The following SLCO3A1 variants were observed in gnomAD, a reference collection of about 807,000 sequenced individuals.
The protein encoded by SLCO3A1 is PGE1 transporter.
SLCO3A1 carries 27 observed loss-of-function variants against 63.1 expected under a neutral mutation model. The observed-to-expected ratio is 0.43, with a 90% CI of 0.32 to 0.59. SLCO3A1 has a LOEUF of 0.59. Among genes scored for constraint, SLCO3A1 ranks in the 20% least tolerant of loss-of-function variants. SLCO3A1 has a pLI of 0.09. For synonymous variants in SLCO3A1, 473 were observed against 409.9 expected (o/e 1.15, Z -1.86); for missense variants, 773 against 945.8 (o/e 0.82, Z 2.40).
Position 92,047,787 on chromosome 15 carries a change from A to C in SLCO3A1, c.647-47094A>C, listed in dbSNP as rs533061216. Among the ~76,000 whole-genome samples, 4 of 150,280 alleles carry C rather than the reference A, an allele frequency of 2.7e-5. No individual in the cohort carries two copies. In the South Asian group the frequency reaches 8.4e-4, roughly 31 times the overall value. On this transcript the variant is annotated intron_variant, in intron 2 of 9. Transcript: ENST00000318445. Reference sequence around the variant, plus strand: ...GTCCAGAATGTGTTCATCGGTTTGTAATCAGCCTAGTTATGGGCTTGAGCC... The same window carrying C: ...GTCCAGAATGTGTTCATCGGTTTGTCATCAGCCTAGTTATGGGCTTGAGCC...
chr15:92,048,068 T>A (rs1412305435), intron 2 of SLCO3A1, among the ~76,000 whole-genome samples: 3 of 152,074 alleles, frequency 2.0e-5, no homozygotes, highest in African/African-American at 7.2e-5. Flanking sequence ...ACTGCCACCT[T>A]GTTAGCTTTT....
downstream of SLCO3A1, among the ~76,000 whole-genome samples, chr15:92,166,157 C>T (rs549909650): frequency 2.0e-5 from 3 of 152,296 alleles, no homozygotes; most frequent in South Asian, 2.1e-4. Context: ...TGTCTTCTCT[C>T]AGCTGAGGCT....
At chr15:91,927,709 G>A (rs956229516) in intron 2 of SLCO3A1, among the ~76,000 whole-genome samples, 5 of 152,066 alleles carry the variant, frequency 3.3e-5, no homozygotes, top group African/African-American at 1.2e-4. Flanking sequence ...TTCCCTTTCT[G>A]GGCAAGATGC....
intron 7 of SLCO3A1, among the ~76,000 whole-genome samples, chr15:92,134,402 G>C (rs1022845793): frequency 6.6e-6 from 1 of 152,100 alleles, no homozygotes; most frequent in South Asian, 2.1e-4. Flanking sequence ...GTGTAGAGAT[G>C]AATAAGGAAA....
chr15:91,889,988 C>T (rs1410431098), intron 1 of SLCO3A1, among the ~76,000 whole-genome samples: 1 of 152,174 alleles, frequency 6.6e-6, no homozygotes, highest in Non-Finnish European at 1.5e-5. Context: ...AATTTGTTTA[C>T]ATGTCCAATA....
Position 92,163,001 on chromosome 15 carries a change from G to C in SLCO3A1, c.1999G>C (p.Glu667Gln), listed in dbSNP as rs1301736744. The C allele has an allele frequency of 9.9e-6, 16 of 1,612,906 alleles. No individual in the cohort carries two copies. Among genetic ancestry groups the C allele is most frequent in the Non-Finnish European group, 1.4e-5 (16 of 1,179,370 alleles). The change falls in exon 10 of 10, where the codon GAG becomes CAG. Residue 667 changes from glutamate to glutamine, a missense_variant. Glu to Gln is a conservative substitution (Grantham distance 29). Coordinates refer to ENST00000318445, the MANE Select transcript of SLCO3A1 (RefSeq NM_013272.4). ...CCACGAGGGCGGGCTGAGCACCAGT[G>C]AGTTCTTTGCCTCTACTCTGACCCT... ...KNHEGGLSTS[E>Q]FFASTLTLDN...
intron 1 of SLCO3A1, among the ~76,000 whole-genome samples, chr15:91,906,126 G>C (rs1898300299): frequency 6.6e-6 from 1 of 152,196 alleles, no homozygotes. Flanking sequence ...AATCATAGTG[G>C]AGAGTAAGTG....
intron 2 of SLCO3A1, among the ~76,000 whole-genome samples, chr15:92,079,195 G>T (rs2047313627): frequency 6.6e-6 from 1 of 152,096 alleles, no homozygotes; most frequent in African/African-American, 2.4e-5. Flanking sequence ...CATTCACGTT[G>T]GATGGCCCAC....
intron 2 of SLCO3A1, among the ~76,000 whole-genome samples, chr15:92,036,361 T>TTC (rs1555426399): frequency 5.6e-5 from 3 of 53,818 alleles, no homozygotes; most frequent in African/African-American, 1.7e-4. Context: ...GAGGTTTTCT[T>TTC]TTTTTTTTTT....
chr15:91,855,268 A>G (rs1482901182), intron 1 of SLCO3A1, among the ~76,000 whole-genome samples: 2 of 152,152 alleles, frequency 1.3e-5, no homozygotes, highest in African/African-American at 4.8e-5. Flanking sequence ...GGGGCTGTAT[A>G]CCATTCATAA....
Position 92,164,333 on chromosome 15 carries a change from AAG to A in SLCO3A1, c.*1203_*1204del, listed in dbSNP as rs1301021256. The A allele has an allele frequency of 7.7e-5, 76 of 985,240 alleles. No homozygotes were observed. The highest frequency in any genetic ancestry group is 1.1e-4 in the East Asian group (1 of 8,824). The allele number at this position is 985,240 out of a possible 1,614,324, so 61.0% of individuals were successfully genotyped here. A position where few individuals can be genotyped will look rare whatever the true frequency, so the allele number is the denominator to read the frequency against. On this transcript the variant is annotated 3_prime_UTR_variant, in exon 10 of 10. Transcript: ENST00000318445. ...CAAGAAGAAAAAAAAATGCTTCAAA[AAG>A]AGAGTGTATATGCAGCCTGCCTTTA...
intron 2 of SLCO3A1, among the ~76,000 whole-genome samples, chr15:92,000,974 CA>C (rs2046247524): frequency 6.6e-6 from 1 of 152,082 alleles, no homozygotes; most frequent in Admixed American, 6.5e-5. Flanking sequence ...TCATCGAGAG[CA>C]AGGCTGATCA....
intron 1 of SLCO3A1, among the ~76,000 whole-genome samples, chr15:91,873,169 T>G (rs1460769515): frequency 6.6e-6 from 1 of 152,250 alleles, no homozygotes; most frequent in Non-Finnish European, 1.5e-5. Flanking sequence ...TACATTTACC[T>G]TATTCAAAAA....
At chr15:91,987,618 C>T (rs1352891941) in intron 2 of SLCO3A1, among the ~76,000 whole-genome samples, 6 of 151,940 alleles carry the variant, frequency 3.9e-5, no homozygotes, top group Non-Finnish European at 8.8e-5. Context: ...TGGCGGGCAC[C>T]TGTAACCCCA....
intron 2 of SLCO3A1, among the ~76,000 whole-genome samples, chr15:91,963,404 A>AGGGCGGGGGGGGGGGGGGG (rs1176735786): frequency 3.2e-4 from 1 of 3,154 alleles, no homozygotes; most frequent in African/African-American, 1.3e-3. Context: ...TAACTCGGGG[A>AGGGCGGGGGGGGGGGGGGG]GGGTGGGGGG....
chr15:92,005,596 G>A (rs1322058701), intron 2 of SLCO3A1, among the ~76,000 whole-genome samples: 1 of 152,216 alleles, frequency 6.6e-6, no homozygotes, highest in Non-Finnish European at 1.5e-5. Flanking sequence ...GCTGCTGCTT[G>A]TTTAAAGGAG....
intron 2 of SLCO3A1, among the ~76,000 whole-genome samples, chr15:92,059,389 A>G (rs1007162109): frequency 2.0e-5 from 3 of 152,146 alleles, no homozygotes; most frequent in Non-Finnish European, 4.4e-5. Flanking sequence ...CGGGGCACAC[A>G]CCACTTTCTC....
intron 1 of SLCO3A1, among the ~76,000 whole-genome samples, chr15:91,868,289 T>C (rs1193816735): frequency 6.6e-6 from 1 of 150,980 alleles, no homozygotes; most frequent in Non-Finnish European, 1.5e-5. Context: ...TGACCTGAGG[T>C]GATCCACCTG....
At chr15:92,170,339 C>T (rs2048514687), downstream of SLCO3A1, among the ~76,000 whole-genome samples, 1 of 152,166 alleles carries the variant, frequency 6.6e-6, no homozygotes, top group African/African-American at 2.4e-5. Flanking sequence ...TTATTAAGCA[C>T]CTGCTACCCA....
Sources: gnomAD v4.1 joint callset for allele counts (sites outside exome capture counted in the v4.1 genomes callset) on GRCh38, gnomAD v4.1.1 for gene constraint, MANE v1.5 for transcripts, NCBI Gene and HGNC (gene_info 2026-07-23, HGNC 2026-07-21) for gene names.